Variants in MAGI2 observed in about 807,000 individuals in gnomAD.
The protein encoded by MAGI2 is membrane associated guanylate kinase, WW and PDZ domain containing 2, also known as membrane-associated guanylate kinase, WW and PDZ domain-containing protein 2.
MAGI2 carries 35 observed loss-of-function variants against 133.3 expected under a neutral mutation model. The ratio of observed to expected loss-of-function variants is 0.26; its 90% CI spans 0.20 to 0.35. The LOEUF is 0.35. MAGI2 is among the 10% of genes least tolerant of loss of function. The pLI is 1.00. For missense variants in MAGI2, 1,636 were observed against 1,863.4 expected (o/e 0.88, Z 2.25); for synonymous variants, 729 against 710.6 (o/e 1.03, Z -0.41).
At chr7:78,781,388 A>C (rs1826387014) in intron 2 of MAGI2, among the ~76,000 whole-genome samples, 1 of 151,608 alleles carries the variant, frequency 6.6e-6, no homozygotes, top group Non-Finnish European at 1.5e-5. Flanking sequence ...CACAAAAAAA[A>C]AAAAAAAAAA....
intron 1 of MAGI2, among the ~76,000 whole-genome samples, chr7:79,366,163 G>A (rs1159097551): frequency 9.9e-5 from 15 of 151,916 alleles, no homozygotes; most frequent in Admixed American, 9.2e-4. Flanking sequence ...GATCGCTTGA[G>A]CCCAGGAAGT....
intron 1 of MAGI2, among the ~76,000 whole-genome samples, chr7:79,117,349 A>G (rs765199083): frequency 6.6e-6 from 1 of 152,188 alleles, no homozygotes; most frequent in Non-Finnish European, 1.5e-5. Flanking sequence ...GCACATGTAT[A>G]TAATTCACTT....
At chr7:78,829,691 C>T (rs1319623976) in intron 2 of MAGI2, among the ~76,000 whole-genome samples, 1 of 152,072 alleles carries the variant, frequency 6.6e-6, no homozygotes, top group Non-Finnish European at 1.5e-5. Context: ...TCTAGAGCAT[C>T]AACCATCATG....
At chr7:78,466,449 CTGTT>C (rs769055186) in intron 6 of MAGI2, among the ~76,000 whole-genome samples, 4 of 152,102 alleles carry the variant, frequency 2.6e-5, no homozygotes, top group Non-Finnish European at 2.9e-5. Context: ...GGAGAAAAAA[CTGTT>C]TGTGAGGATT....
At chr7:79,093,714 CTTTT>C (rs369075503) in intron 1 of MAGI2, among the ~76,000 whole-genome samples, 1 of 113,302 alleles carries the variant, frequency 8.8e-6, no homozygotes, top group Non-Finnish European at 1.8e-5. Flanking sequence ...CTTTTCTTTT[CTTTT>C]TTTTTTTTTT....
At chr7:78,696,269 A>C (rs1817506334) in intron 2 of MAGI2, among the ~76,000 whole-genome samples, 1 of 152,102 alleles carries the variant, frequency 6.6e-6, no homozygotes, top group South Asian at 2.1e-4. Context: ...ATAATCACTC[A>C]ATTTTTACAA....
At chr7:78,768,880 T>C (rs1403830054) in intron 2 of MAGI2, among the ~76,000 whole-genome samples, 2 of 152,188 alleles carry the variant, frequency 1.3e-5, no homozygotes, top group African/African-American at 4.8e-5. Context: ...TGCTCTGTAG[T>C]CACACAATCA....
rs13244251 is a variant in MAGI2, at chr7:78,343,604, A to C, written c.1408+174T>G. Reference sequence around the variant, plus strand: ...AAAATTATATTCAAAATTGTTTCCAAATTAATTCAACTTGATATTTTTAAA... The same window carrying C: ...AAAATTATATTCAAAATTGTTTCCACATTAATTCAACTTGATATTTTTAAA... On this transcript the variant is annotated intron_variant, in intron 9 of 21. Coordinates refer to ENST00000354212, the MANE Select transcript of MAGI2 (RefSeq NM_012301.4). Among the ~76,000 whole-genome samples, 28,694 of 152,150 alleles carry C rather than the reference A, an allele frequency of 0.19. 2,954 individuals carry two copies. The highest frequency in any genetic ancestry group is 0.23 in the Non-Finnish European group (15,491 of 68,002).
At chr7:79,190,545 G>C (rs1827559967) in intron 1 of MAGI2, among the ~76,000 whole-genome samples, 1 of 151,702 alleles carries the variant, frequency 6.6e-6, no homozygotes. Context: ...TATGGGTTTT[G>C]TGAATATTTT....
At position 78,080,424 on chromosome 7, in the gene MAGI2, C is replaced by T. The variant is rs79107822; in HGVS notation, c.3568-1339G>A. Among the ~76,000 whole-genome samples the T allele has an allele frequency of 4.6e-3, 695 of 152,298 alleles. 4 individuals carry two copies. The highest frequency in any genetic ancestry group is 0.016 in the African/African-American group (655 of 41,564). ...AGGGCCAGTAGCTTTCTTCAGGTTT[C>T]CTTAATTGTCTCCTTTCCTCTGAGG... On this transcript the variant is annotated intron_variant, in intron 20 of 21. Coordinates refer to ENST00000354212, the MANE Select transcript of MAGI2 (RefSeq NM_012301.4).
At chr7:79,444,846 T>C (rs1306474706) in intron 1 of MAGI2, among the ~76,000 whole-genome samples, 1 of 152,190 alleles carries the variant, frequency 6.6e-6, no homozygotes, top group East Asian at 1.9e-4. Flanking sequence ...AAAAAGAGCC[T>C]GCATTGCCAA....
chr7:78,397,366 T>TACACACACACACACAAAC (rs1796441966), intron 6 of MAGI2, among the ~76,000 whole-genome samples: 1 of 147,704 alleles, frequency 6.8e-6, no homozygotes, highest in Non-Finnish European at 1.5e-5. Context: ...TTGAAATTCC[T>TACACACACACACACAAAC]ACACACACAC....
At chr7:78,218,112 A>C (rs1318295216) in intron 10 of MAGI2, among the ~76,000 whole-genome samples, 1 of 152,238 alleles carries the variant, frequency 6.6e-6, no homozygotes, top group East Asian at 1.9e-4. Context: ...TACAACTCTG[A>C]AGTTTTCAAG....
intron 2 of MAGI2, among the ~76,000 whole-genome samples, chr7:78,680,716 T>C (rs1470027444): frequency 6.6e-6 from 1 of 152,198 alleles, no homozygotes; most frequent in African/African-American, 2.4e-5. Flanking sequence ...CAAATCATTC[T>C]TTGTAGAGCT....
rs1474918316 is a variant in MAGI2, at chr7:78,030,200, A to G, written c.3707-10224T>C. ...TCCTTCTCAGAGTTGTAAAGAGCAA[A>G]TGAAATAATCTATATGGATGTTATA... On this transcript the variant is annotated intron_variant, in intron 21 of 21. Transcript: ENST00000354212. Among the ~76,000 whole-genome samples the G allele has an allele frequency of 3.3e-5, 5 of 152,234 alleles. No individual in the cohort carries two copies. The East Asian group carries it at 5.8e-4, about 18-fold the overall frequency.
intron 1 of MAGI2, among the ~76,000 whole-genome samples, chr7:79,439,353 G>A (rs544817000): frequency 6.6e-6 from 1 of 152,156 alleles, no homozygotes; most frequent in East Asian, 1.9e-4. Flanking sequence ...TCTAACATGA[G>A]GAGACTGAGG....
intron 2 of MAGI2, among the ~76,000 whole-genome samples, chr7:78,967,663 A>T (rs1803445010): frequency 6.6e-6 from 1 of 151,602 alleles, no homozygotes; most frequent in African/African-American, 2.4e-5. Context: ...ATTCTTTTGC[A>T]TGTGGATATC....
intron 6 of MAGI2, among the ~76,000 whole-genome samples, chr7:78,415,715 G>A (rs185933840): frequency 6.6e-6 from 1 of 152,238 alleles, no homozygotes; most frequent in East Asian, 1.9e-4. Flanking sequence ...AGATTTGTCA[G>A]CAGTGGTGGT....
intron 2 of MAGI2, among the ~76,000 whole-genome samples, chr7:78,784,926 T>C (rs1305362776): frequency 6.6e-6 from 1 of 152,070 alleles, no homozygotes; most frequent in Non-Finnish European, 1.5e-5. Context: ...CCTTAAATAA[T>C]GCAATAGCTT....
Sources: gnomAD v4.1 joint callset for allele counts (sites outside exome capture counted in the v4.1 genomes callset) on GRCh38, gnomAD v4.1.1 for gene constraint, MANE v1.5 for transcripts, NCBI Gene and HGNC (gene_info 2026-07-23, HGNC 2026-07-21) for gene names.